BIRC6: variants seen among roughly 807,000 people sequenced by gnomAD.
BIRC6 encodes the protein dual E2 ubiquitin-conjugating enzyme/E3 ubiquitin-protein ligase BIRC6.
In BIRC6, 98 loss-of-function variants were observed where a neutral mutation model predicts 503.3. The observed-to-expected ratio is 0.19, with a 90% CI of 0.17 to 0.23. The LOEUF (loss-of-function observed/expected upper bound fraction) is 0.23, where lower values mean the gene tolerates loss of function less well. Ranked by LOEUF, BIRC6 falls within the 10% of genes least tolerant of loss-of-function variation. The pLI, the probability that BIRC6 is intolerant of heterozygous loss-of-function variation, is 1.00. For synonymous variants in BIRC6, 2,240 were observed against 2,078.7 expected, an observed-to-expected ratio of 1.08 and a Z score of -2.11; for missense variants, 5,360 against 5,806.0, an observed-to-expected ratio of 0.92 and a Z score of 2.50.
chr2:32,386,269 T>A (rs2038444124), intron 3 of BIRC6, among the ~76,000 whole-genome samples: 1 of 152,144 alleles, frequency 6.6e-6, no homozygotes. Context: ...CTACCAGATA[T>A]CAGGGGATTT....
At chr2:32,368,007 A>G (rs1413995738) in intron 1 of BIRC6, among the ~76,000 whole-genome samples, 1 of 152,192 alleles carries the variant, frequency 6.6e-6, no homozygotes, top group East Asian at 1.9e-4. Flanking sequence ...TAATTTGTTT[A>G]TGTACTTTTA....
Position 32,520,295 on chromosome 2 carries a change from C to T in BIRC6, c.11623+1349C>T, listed in dbSNP as rs575552484. On this transcript the variant is annotated intron_variant, in intron 57 of 73. Coordinates refer to ENST00000421745, the MANE Select transcript of BIRC6 (RefSeq NM_016252.4). Reference sequence around the variant, plus strand: ...GAAAGATTGTTTTCTGCTTCACAATCGCTGTGTCTAATATGCATGTGCATA... The same window carrying T: ...GAAAGATTGTTTTCTGCTTCACAATTGCTGTGTCTAATATGCATGTGCATA... 2.1e-4 allele frequency among the ~76,000 whole-genome samples: 32 copies of T among 152,260 alleles called. No homozygotes were observed. The South Asian group carries it at 2.7e-3, about 13-fold the overall frequency.
Position 32,415,577 on chromosome 2 carries a change from A to C in BIRC6, c.2286A>C (p.Gln762His). 2 of 1,613,962 alleles carry C rather than the reference A, an allele frequency of 1.2e-6. No individual in the cohort carries two copies. Among genetic ancestry groups the C allele is most frequent in the Non-Finnish European group, 1.7e-6 (2 of 1,179,864 alleles). Reference protein sequence around the residue: ...CPVESLSAINQVEALNNLNKL... With the variant: ...CPVESLSAINHVEALNNLNKL... Reference sequence around the variant, plus strand: ...TTGAATCCTTGAGTGCAATAAATCAAGTAGAGGCCTTGAATAATTTAAATA... The same window carrying C: ...TTGAATCCTTGAGTGCAATAAATCACGTAGAGGCCTTGAATAATTTAAATA... Residue 762 changes from glutamine to histidine, a missense_variant, in exon 10 of 74, where the codon CAA (glutamine) becomes CAC (histidine). Physicochemically the swap from Gln to His is conservative, Grantham distance 24. This residue lies in a region of BIRC6 where 700 missense variants were observed against 739.3 expected (regional missense o/e 0.95). Transcript: ENST00000421745.
chr2:32,439,557 G>C lies in BIRC6; in HGVS notation c.3681G>C (p.Val1227=), dbSNP rs2045165838. 1 of 1,613,764 alleles carries C rather than the reference G, an allele frequency of 6.2e-7. No homozygotes were observed. Among genetic ancestry groups the C allele is most frequent in the Non-Finnish European group, 8.5e-7 (1 of 1,179,840 alleles). ...YRSFLIHVKA[V]NERGTEEICN... Reference sequence around the variant, plus strand: ...CGTTTTTAATCCATGTCAAGGCAGTGAATGAAAGAGGAACAGAAGAGATTT... The same window carrying C: ...CGTTTTTAATCCATGTCAAGGCAGTCAATGAAAGAGGAACAGAAGAGATTT... The change falls in exon 16 of 74, where the codon GTG becomes GTC. Residue 1227 remains valine, a synonymous_variant. Coordinates refer to ENST00000421745, the MANE Select transcript of BIRC6 (RefSeq NM_016252.4).
At chr2:32,513,448 C>G (rs1226711827) in intron 54 of BIRC6, among the ~76,000 whole-genome samples, 2 of 152,158 alleles carry the variant, frequency 1.3e-5, no homozygotes, top group African/African-American at 4.8e-5. Flanking sequence ...ACCAGATTAT[C>G]TTTAATGTAC....
At chr2:32,568,135 AGAAG>A (rs1164588417) in intron 65 of BIRC6, among the ~76,000 whole-genome samples, 1 of 151,802 alleles carries the variant, frequency 6.6e-6, no homozygotes, top group African/African-American at 2.4e-5. Flanking sequence ...ACAAGAATGG[AGAAG>A]GAGAGAAATA....
At position 32,377,706 on chromosome 2, in the gene BIRC6, T is replaced by C; in HGVS notation, c.444T>C (p.Thr148=). ...TTAATGGAATCTTGTTGTTAGACAC[T>C]GCTCTGCAAACTCCAGTTTCAAAGC... The part of the protein sequence containing the change: ...KDLNGILLLD[T]ALQTPVSKQD... The change falls in exon 2 of 74, where the codon ACT becomes ACC. Residue 148 remains threonine, a synonymous_variant. Transcript: ENST00000421745. The C allele has an allele frequency of 6.2e-7, 1 of 1,613,820 alleles. No individual in the cohort carries two copies. Among genetic ancestry groups the C allele is most frequent in the Non-Finnish European group, 8.5e-7 (1 of 1,179,812 alleles).
Position 32,592,562 on chromosome 2 carries a change from A to G in BIRC6, c.13356-1353A>G, listed in dbSNP as rs112167341. Among the ~76,000 whole-genome samples the G allele has an allele frequency of 1.2e-3, 182 of 151,370 alleles. 1 individual carries two copies. The highest frequency in any genetic ancestry group is 4.1e-3 in the Admixed American group (62 of 15,192). On this transcript the variant is annotated intron_variant, in intron 66 of 73. Coordinates refer to ENST00000421745, the MANE Select transcript of BIRC6 (RefSeq NM_016252.4). The stretch of plus-strand genomic sequence containing the variant: ...TTGTGACAAGGAAAGGTTCATTTGT[A>G]TGTAGATGACATAGTATTATTTGTT...
intron 26 of BIRC6, 44 bp downstream of exon 26, chr2:32,465,208 T>TTTTTTTTTTC: frequency 9.9e-7 from 1 of 1,009,562 alleles, no homozygotes; most frequent in Non-Finnish European, 1.4e-6. Context: ...TTTTTTTGCT[T>TTTTTTTTTTC]AGTCTGCCGG....
chr2:32,383,822 A>G (rs2038049966), intron 3 of BIRC6, among the ~76,000 whole-genome samples: 1 of 152,152 alleles, frequency 6.6e-6, no homozygotes, highest in South Asian at 2.1e-4. Flanking sequence ...TTGAGCCACC[A>G]AGCCCAGCTG....
chr2:32,579,802 A>C (rs566728785), intron 66 of BIRC6, among the ~76,000 whole-genome samples: 1 of 152,152 alleles, frequency 6.6e-6, no homozygotes, highest in Non-Finnish European at 1.5e-5. Flanking sequence ...TTCATGATTA[A>C]CACTGATAGG....
chr2:32,583,704 C>T (rs1470623391), intron 66 of BIRC6, among the ~76,000 whole-genome samples: 1 of 152,078 alleles, frequency 6.6e-6, no homozygotes, highest in Non-Finnish European at 1.5e-5. Flanking sequence ...GTGTACTTTA[C>T]CTATACCTAT....
chr2:32,490,413 T>C (rs904435090), intron 43 of BIRC6, among the ~76,000 whole-genome samples: 3 of 152,140 alleles, frequency 2.0e-5, no homozygotes, highest in East Asian at 3.9e-4. Flanking sequence ...TGGGCGCCTG[T>C]AGTCCCAGCT....
intron 65 of BIRC6, among the ~76,000 whole-genome samples, chr2:32,561,052 G>T (rs1008477977): frequency 1.6e-4 from 24 of 151,682 alleles, no homozygotes; most frequent in Non-Finnish European, 3.1e-4. Context: ...ACAAAAATTA[G>T]CCGGGCGTGG....
rs755717044 is a variant in BIRC6 at position 32,473,098 on chromosome 2, T to G, written c.6593-14T>G. The G allele has an allele frequency of 1.3e-6, 2 of 1,552,512 alleles. No individual in the cohort carries two copies. The highest frequency in any genetic ancestry group is 2.5e-5 in the South Asian group (2 of 81,308). On this transcript the variant is annotated splice_polypyrimidine_tract_variant and intron_variant, in intron 32 of 73. Coordinates refer to ENST00000421745, the MANE Select transcript of BIRC6 (RefSeq NM_016252.4). ...TTAACAGAATTATTAATACAAGTTT[T>G]CCTTCGCCTGTAGGTAATCAGTGGA...
chr2:32,409,285 G>A (rs544298234), intron 9 of BIRC6, among the ~76,000 whole-genome samples: 1 of 151,674 alleles, frequency 6.6e-6, no homozygotes, highest in Non-Finnish European at 1.5e-5. Flanking sequence ...TCAGCCTCCC[G>A]AGTAGCTGGG....
At chr2:32,497,368 A>T (rs183066528) in intron 45 of BIRC6, among the ~76,000 whole-genome samples, 2 of 152,328 alleles carry the variant, frequency 1.3e-5, no homozygotes, top group South Asian at 2.1e-4. Context: ...CCTTGGTCAT[A>T]ACATATCAGT....
chr2:32,489,580 G>A (rs762334739), intron 42 of BIRC6, among the ~76,000 whole-genome samples: 6 of 152,130 alleles, frequency 3.9e-5, no homozygotes, highest in Non-Finnish European at 7.3e-5. Flanking sequence ...GAGAGGCCGA[G>A]GTGGGCAGAT....
intron 3 of BIRC6, 141 bp from the exon 4 acceptor site, chr2:32,388,609 G>C (rs1206291281): frequency 1.5e-5 from 9 of 619,272 alleles, no homozygotes; most frequent in Non-Finnish European, 2.3e-5. Flanking sequence ...ATAACTGCAA[G>C]TTTCTGTTTT....
Sources: gnomAD v4.1 joint callset for allele counts (sites outside exome capture counted in the v4.1 genomes callset) on GRCh38, gnomAD v4.1.1 for gene constraint, gnomAD v4.1.1 regional missense constraint, MANE v1.5 for transcripts, NCBI Gene and HGNC (gene_info 2026-07-23, HGNC 2026-07-21) for gene names.